CHRM3: variants seen among roughly 807,000 people sequenced by gnomAD.
CHRM3 encodes the protein cholinergic receptor muscarinic 3, also known as muscarinic acetylcholine receptor M3.
A neutral mutation model predicts 41.8 loss-of-function variants in CHRM3; 11 were observed. The ratio of observed to expected loss-of-function variants is 0.26; its 90% CI spans 0.17 to 0.44. CHRM3 has a LOEUF of 0.44. CHRM3 is among the 20% of genes least tolerant of loss of function. The pLI, the probability that CHRM3 is intolerant of heterozygous loss-of-function variation, is 1.00. For missense variants in CHRM3, 571 were observed against 745.4 expected (o/e 0.77, Z 2.72); for synonymous variants, 297 against 301.4 (o/e 0.99, Z 0.15).
intron 1 of CHRM3, among the ~76,000 whole-genome samples, chr1:239,403,420 T>C (rs74149050): frequency 0.018 from 2,787 of 152,322 alleles, 58 homozygotes; most frequent in African/African-American, 0.063. Context: ...ACCTTGATGA[T>C]GACAAAATAG....
At chr1:239,655,268 T>C (rs1899616) in intron 4 of CHRM3, among the ~76,000 whole-genome samples, 87,983 of 152,072 alleles carry the variant, frequency 0.58, 25,856 homozygotes, top group East Asian at 0.73. Context: ...AATTTGTAGC[T>C]GAAATGTCAT....
chr1:239,730,292 C>G (rs1392737247), intron 5 of CHRM3: 1 of 151,888 alleles, frequency 6.6e-6, no homozygotes. Context: ...AACTTCAGAG[C>G]AAAAATTTTG....
chr1:239,409,866 G>A (rs979507763), intron 1 of CHRM3, among the ~76,000 whole-genome samples: 3 of 152,156 alleles, frequency 2.0e-5, no homozygotes, highest in African/African-American at 4.8e-5. Flanking sequence ...CACTTGAACT[G>A]GGAGGCGGAG....
chr1:239,423,530 C>A (rs1662121160), intron 1 of CHRM3, among the ~76,000 whole-genome samples: 1 of 152,042 alleles, frequency 6.6e-6, no homozygotes, highest in Non-Finnish European at 1.5e-5. Context: ...TTTGGGAAAC[C>A]AGGACATTAA....
chr1:239,742,554 G>C (rs747415762), intron 5 of CHRM3, among the ~76,000 whole-genome samples: 1 of 152,250 alleles, frequency 6.6e-6, no homozygotes, highest in South Asian at 2.1e-4. Flanking sequence ...GCAGTCCTCT[G>C]AAGTCACAAA....
At chr1:239,895,708 A>G (rs775166921) in intron 6 of CHRM3, among the ~76,000 whole-genome samples, 3 of 152,230 alleles carry the variant, frequency 2.0e-5, no homozygotes, top group African/African-American at 4.8e-5. Flanking sequence ...TAAGCAAAGT[A>G]ATGCAAGAAC....
intron 2 of CHRM3, among the ~76,000 whole-genome samples, chr1:239,527,007 C>T (rs1281249328): frequency 2.0e-5 from 3 of 152,072 alleles, no homozygotes; most frequent in Non-Finnish European, 2.9e-5. Flanking sequence ...CCTGTGGTCC[C>T]AGCTATACAG....
chr1:239,750,740 T>C (rs536577138), intron 5 of CHRM3, among the ~76,000 whole-genome samples: 22 of 152,340 alleles, frequency 1.4e-4, no homozygotes, highest in Middle Eastern at 3.4e-3. Flanking sequence ...TTTCTGTGCC[T>C]CACTTTCCTT....
At chr1:239,768,481 A>G (rs1027627502) in intron 5 of CHRM3, among the ~76,000 whole-genome samples, 3 of 45,422 alleles carry the variant, frequency 6.6e-5, no homozygotes, top group African/African-American at 2.9e-4. Context: ...AGAAAGCCCA[A>G]CATGGTGAAA....
chr1:239,832,388 C>G (rs551130306), intron 6 of CHRM3, among the ~76,000 whole-genome samples: 1 of 152,238 alleles, frequency 6.6e-6, no homozygotes, highest in South Asian at 2.1e-4. Flanking sequence ...TTTTTCTTAG[C>G]AAAATCCCTA....
At chr1:239,564,948 C>T (rs73120642) in intron 3 of CHRM3, among the ~76,000 whole-genome samples, 1,757 of 152,254 alleles carry the variant, frequency 0.012, 27 homozygotes, top group African/African-American at 0.04. Flanking sequence ...AAGCTTTTAA[C>T]AGGGCTGTGC....
chr1:239,390,261 A>G (rs952164116), intron 1 of CHRM3, among the ~76,000 whole-genome samples: 6 of 152,184 alleles, frequency 3.9e-5, no homozygotes, highest in Admixed American at 6.6e-5. Context: ...GTGTTTTCCT[A>G]GATGCAATAT....
intron 6 of CHRM3, among the ~76,000 whole-genome samples, chr1:239,862,293 A>G (rs529035271): frequency 6.6e-6 from 1 of 152,352 alleles, no homozygotes; most frequent in East Asian, 1.9e-4. Flanking sequence ...TTTATTGGAA[A>G]GGAAGCTATG....
At chr1:239,887,941 C>G (rs1314026033) in intron 6 of CHRM3, among the ~76,000 whole-genome samples, 1 of 152,074 alleles carries the variant, frequency 6.6e-6, no homozygotes, top group Non-Finnish European at 1.5e-5. Flanking sequence ...TGTATCTGTC[C>G]CTGATTTGTA....
At chr1:239,828,237 TACAC>T (rs1322783000) in intron 6 of CHRM3, among the ~76,000 whole-genome samples, 2 of 152,084 alleles carry the variant, frequency 1.3e-5, no homozygotes, top group African/African-American at 4.8e-5. Context: ...CACACATAGT[TACAC>T]ACACATAGAT....
At chr1:239,741,470 C>T (rs886487998) in intron 5 of CHRM3, among the ~76,000 whole-genome samples, 5 of 152,106 alleles carry the variant, frequency 3.3e-5, no homozygotes, top group Admixed American at 2.0e-4. Context: ...TGATGGCCTG[C>T]TTCAGGGGAA....
chr1:239,581,725 A>G (rs1662917761), intron 3 of CHRM3, among the ~76,000 whole-genome samples: 1 of 152,196 alleles, frequency 6.6e-6, no homozygotes, highest in African/African-American at 2.4e-5. Flanking sequence ...TCCCTATTTT[A>G]TAAATGATGA....
intron 3 of CHRM3, among the ~76,000 whole-genome samples, chr1:239,576,273 A>C (rs12760829): frequency 0.4 from 40,178 of 101,152 alleles, 6,677 homozygotes; most frequent in Middle Eastern, 0.63. Context: ...CTCCCTACCC[A>C]CCCCCATCCC....
chr1:239,551,879 T>C lies in CHRM3; in HGVS notation c.-313+6130T>C, dbSNP rs1175388104. ...AAAGACAATTTTTAAGAGAAGAAAATAGGTGATAGGTTACTCCAGTTTTCA... is the reference window on the plus strand; with the variant it reads ...AAAGACAATTTTTAAGAGAAGAAAACAGGTGATAGGTTACTCCAGTTTTCA... On this transcript the variant is annotated intron_variant, in intron 3 of 6. Transcript: ENST00000676153. 2.6e-5 allele frequency among the ~76,000 whole-genome samples: 4 copies of C among 152,020 alleles called. No individual in the cohort carries two copies. The East Asian group carries it at 7.7e-4, about 29-fold the overall frequency.
Sources: gnomAD v4.1 joint callset for allele counts (sites outside exome capture counted in the v4.1 genomes callset) on GRCh38, gnomAD v4.1.1 for gene constraint, MANE v1.5 for transcripts, NCBI Gene and HGNC (gene_info 2026-07-23, HGNC 2026-07-21) for gene names.